Variants in DGKH observed in about 807,000 individuals in gnomAD.
DGKH encodes diacylglycerol kinase eta.
In DGKH, 90 loss-of-function variants were observed where a neutral mutation model predicts 159.3. That is an observed-to-expected ratio of 0.57 (90% CI 0.48 to 0.67). DGKH has a LOEUF of 0.67. Ranked by LOEUF, DGKH falls within the 30% of genes least tolerant of loss-of-function variation. The probability of loss-of-function intolerance (pLI) is 0.00; values close to 1 mark genes in which losing one functional copy is unlikely to be tolerated. For missense variants in DGKH, 1,181 were observed against 1,506.1 expected (o/e 0.78, Z 3.57); for synonymous variants, 536 against 553.8 (o/e 0.97, Z 0.45).
At chr13:42,122,641 T>G (rs1369399525) in intron 1 of DGKH, among the ~76,000 whole-genome samples, 1 of 152,220 alleles carries the variant, frequency 6.6e-6, no homozygotes, top group Non-Finnish European at 1.5e-5. Flanking sequence ...GAGGATTGTA[T>G]TTCATCATAA....
At chr13:42,225,347 T>A in intron 29 of DGKH, 1 of 1,574,570 alleles carries the variant, frequency 6.4e-7, no homozygotes, top group Non-Finnish European at 8.5e-7. Context: ...GGTGAGAGTT[T>A]TTTGTTTAGT....
At position 42,238,529 on chromosome 13, in the gene DGKH, C is replaced by T. The variant is rs576160281; in HGVS notation, c.*9341C>T. 2.6e-5 allele frequency: 4 copies of T among 152,162 alleles called. No individual in the cohort carries two copies. The East Asian group carries it at 7.7e-4, about 29-fold the overall frequency. The allele number at this position is 152,162 out of a possible 1,614,324, so 9.4% of individuals were successfully genotyped here. The stretch of plus-strand genomic sequence containing the variant: ...CATATCTTTTCTTAGTTTAACTCCC[C>T]AAAGAGGAAAATGTCTCTTTAAACC... On this transcript the variant is annotated 3_prime_UTR_variant, in exon 30 of 30. Transcript: ENST00000337343.
intron 29 of DGKH, among the ~76,000 whole-genome samples, chr13:42,222,114 T>A (rs532555766): frequency 1.3e-5 from 2 of 152,290 alleles, no homozygotes; most frequent in Non-Finnish European, 1.5e-5. Context: ...GTGGGTGAAG[T>A]CTCAGTAGTA....
chr13:42,045,142 A>G (rs1176409767), upstream of DGKH, among the ~76,000 whole-genome samples: 1 of 151,998 alleles, frequency 6.6e-6, no homozygotes, highest in Non-Finnish European at 1.5e-5. Context: ...AATAACAACA[A>G]CCACAACAAA....
intron 1 of DGKH, among the ~76,000 whole-genome samples, chr13:42,102,156 A>G (rs1406078208): frequency 1.3e-5 from 2 of 152,212 alleles, no homozygotes; most frequent in African/African-American, 4.8e-5. Flanking sequence ...GGGAGTTGCA[A>G]GGAGACTGCT....
chr13:42,079,849 T>G (rs778346563), intron 1 of DGKH, among the ~76,000 whole-genome samples: 1 of 152,250 alleles, frequency 6.6e-6, no homozygotes, highest in Non-Finnish European at 1.5e-5. Context: ...TACTTGTATT[T>G]CATTGTTAAG....
chr13:42,206,097 C>T lies in DGKH; in HGVS notation c.2552C>T (p.Pro851Leu). Residue 851 changes from proline to leucine, a missense_variant, in exon 21 of 30, where the codon CCC (proline) becomes CTC (leucine). This residue lies in a region of DGKH where 335 missense variants were observed against 495.2 expected (regional missense o/e 0.68). Transcript: ENST00000337343. ...SLQGIAVLNI[P>L]SYAGGTNFWG... Reference sequence around the variant, plus strand: ...CAAGGCATAGCCGTGTTGAACATTCCCAGCTATGCTGGAGGCACTAACTTT... The same window carrying T: ...CAAGGCATAGCCGTGTTGAACATTCTCAGCTATGCTGGAGGCACTAACTTT... 6.8e-7 allele frequency: 1 copy of T among 1,466,564 alleles called. No individual in the cohort carries two copies. Among genetic ancestry groups the T allele is most frequent in the African/African-American group, 1.4e-5 (1 of 69,510 alleles). 90.8% of individuals were successfully genotyped at this position (1,466,564 alleles called of 1,614,324 possible). A position where few individuals can be genotyped will look rare whatever the true frequency, so the allele number is the denominator to read the frequency against.
At chr13:42,129,006 T>C (rs1331021490) in intron 2 of DGKH, among the ~76,000 whole-genome samples, 1 of 152,238 alleles carries the variant, frequency 6.6e-6, no homozygotes, top group African/African-American at 2.4e-5. Context: ...ATTTCCTACT[T>C]GCTACCTTGG....
intron 1 of DGKH, among the ~76,000 whole-genome samples, chr13:42,061,465 T>C (rs764261205): frequency 1.2e-4 from 18 of 152,202 alleles, no homozygotes; most frequent in Non-Finnish European, 2.5e-4. Context: ...TTGCTATCTG[T>C]CTAAGTAATT....
chr13:42,094,965 AT>A (rs1433004234), intron 1 of DGKH, among the ~76,000 whole-genome samples: 5 of 152,138 alleles, frequency 3.3e-5, no homozygotes, highest in African/African-American at 1.2e-4. Flanking sequence ...AACCCTTGAA[AT>A]AAGGCAAAAA....
At chr13:42,197,109 G>A (rs1957219087) in intron 17 of DGKH, among the ~76,000 whole-genome samples, 1 of 151,866 alleles carries the variant, frequency 6.6e-6, no homozygotes, top group African/African-American at 2.4e-5. Flanking sequence ...AATTAGCCAG[G>A]CATGCTGGCT....
chr13:42,075,597 A>G (rs1954079712), intron 1 of DGKH, among the ~76,000 whole-genome samples: 1 of 152,136 alleles, frequency 6.6e-6, no homozygotes. Context: ...CTGCTAGCTT[A>G]TTTAGTCTAC....
intron 1 of DGKH, among the ~76,000 whole-genome samples, chr13:42,085,000 G>A (rs1257140400): frequency 6.6e-6 from 1 of 151,414 alleles, no homozygotes; most frequent in African/African-American, 2.4e-5. Context: ...ACTTTACATT[G>A]CTATTTTTAT....
intron 3 of DGKH, among the ~76,000 whole-genome samples, chr13:42,143,818 C>G (rs1273728186): frequency 4.0e-5 from 6 of 151,808 alleles, no homozygotes; most frequent in Non-Finnish European, 1.5e-5. Flanking sequence ...TGCTAGTGGT[C>G]TATCAATTTT....
At chr13:42,207,011 C>CT (rs1555275972) in intron 21 of DGKH, among the ~76,000 whole-genome samples, 1 of 138,716 alleles carries the variant, frequency 7.2e-6, no homozygotes, top group Non-Finnish European at 1.5e-5. Flanking sequence ...TTCTTTCTTT[C>CT]TTTCTTTCTT....
intron 29 of DGKH, 70 bp downstream of exon 29, chr13:42,221,464 T>G: frequency 6.3e-7 from 1 of 1,579,914 alleles, no homozygotes; most frequent in East Asian, 2.3e-5. Flanking sequence ...CTGTGCCTCT[T>G]CTGATACTTG....
chr13:42,168,905 T>G, intron 11 of DGKH, 87 bp downstream of exon 11: 5 of 1,357,762 alleles, frequency 3.7e-6, no homozygotes, highest in Non-Finnish European at 4.9e-6. Context: ...TATTTATTAA[T>G]AAATTTTACT....
At chr13:42,054,253 C>G (rs1881583395) in intron 1 of DGKH, among the ~76,000 whole-genome samples, 1 of 152,120 alleles carries the variant, frequency 6.6e-6, no homozygotes, top group Admixed American at 6.5e-5. Flanking sequence ...TTATTTAAAA[C>G]TTTTAGCTAG....
intron 11 of DGKH, 96 bp from the exon 12 acceptor site, chr13:42,173,964 C>CCT: frequency 1.7e-6 from 1 of 604,298 alleles, no homozygotes; most frequent in Non-Finnish European, 2.9e-6. Flanking sequence ...TGTGTGCGTG[C>CCT]GTGTGTGTGT....
Sources: allele counts gnomAD v4.1 joint callset (sites outside exome capture counted in the v4.1 genomes callset), GRCh38; gene constraint gnomAD v4.1.1; regional missense constraint gnomAD v4.1.1; transcripts MANE v1.5; gene names NCBI Gene and HGNC (gene_info 2026-07-23, HGNC 2026-07-21).